The following CALN1 variants were observed in gnomAD, a reference collection of about 807,000 sequenced individuals.
The protein encoded by CALN1 is calneuron 1, also known as calcium-binding protein 8.
In CALN1, 17 loss-of-function variants were observed where a neutral mutation model predicts 30.6. That is an observed-to-expected ratio of 0.56 (90% CI 0.38 to 0.83). The LOEUF (loss-of-function observed/expected upper bound fraction) is 0.83. Ranked by LOEUF, CALN1 falls within the 40% of genes least tolerant of loss-of-function variation. CALN1 has a pLI of 0.00. For missense variants in CALN1, 291 were observed against 354.9 expected (o/e 0.82, Z 1.45); for synonymous variants, 156 against 131.4 (o/e 1.19, Z -1.28).
intron 3 of CALN1, among the ~76,000 whole-genome samples, chr7:72,167,225 T>C (rs1788589804): frequency 6.6e-6 from 1 of 152,178 alleles, no homozygotes; most frequent in Admixed American, 6.5e-5. Context: ...TGAGAAACAA[T>C]ACCAGTAGGC....
intron 4 of CALN1, among the ~76,000 whole-genome samples, chr7:72,059,169 T>G (rs144836362): frequency 9.2e-5 from 14 of 152,310 alleles, no homozygotes; most frequent in Non-Finnish European, 1.5e-4. Flanking sequence ...AACAAACCAC[T>G]CTTAGGAATG....
chr7:72,020,233 A>G (rs950089251), intron 5 of CALN1, among the ~76,000 whole-genome samples: 1 of 151,968 alleles, frequency 6.6e-6, no homozygotes, highest in Non-Finnish European at 1.5e-5. Flanking sequence ...TAATTTTTCA[A>G]TCTGCTTTAG....
At chr7:72,308,044 A>G (rs1049834026) in intron 2 of CALN1, among the ~76,000 whole-genome samples, 2 of 152,090 alleles carry the variant, frequency 1.3e-5, no homozygotes, top group African/African-American at 4.8e-5. Flanking sequence ...TTTGCTCAAG[A>G]TGTGTAATAA....
chr7:72,403,552 A>T (rs1321504282), intron 1 of CALN1, 110 bp from the exon 2 acceptor site: 6 of 493,036 alleles, frequency 1.2e-5, no homozygotes, highest in Admixed American at 1.0e-4. Flanking sequence ...TACACAGGAC[A>T]ATGGTAGAAA....
intron 3 of CALN1, among the ~76,000 whole-genome samples, chr7:72,244,614 T>C (rs1244838544): frequency 3.3e-5 from 5 of 151,636 alleles, no homozygotes; most frequent in African/African-American, 4.8e-5. Context: ...GAATTTCATC[T>C]AGCTGTAGGG....
chr7:72,445,892 G>A (rs533127436), intron 1 of CALN1, among the ~76,000 whole-genome samples: 2 of 152,264 alleles, frequency 1.3e-5, no homozygotes, highest in East Asian at 3.9e-4. Context: ...CTACTCACGT[G>A]AGCTGTGTTT....
At chr7:71,814,175 G>C (rs926026946) in intron 5 of CALN1, among the ~76,000 whole-genome samples, 9 of 152,132 alleles carry the variant, frequency 5.9e-5, no homozygotes, top group African/African-American at 1.4e-4. Flanking sequence ...TTGTCCAACA[G>C]GGTTTCAGAA....
At chr7:72,413,692 C>A (rs1562960124), upstream of CALN1, among the ~76,000 whole-genome samples, 1 of 152,064 alleles carries the variant, frequency 6.6e-6, no homozygotes, top group Non-Finnish European at 1.5e-5. Context: ...CATTCACACT[C>A]ACACTACACA....
chr7:72,207,243 G>A (rs1269966553), intron 3 of CALN1, among the ~76,000 whole-genome samples: 4 of 152,054 alleles, frequency 2.6e-5, no homozygotes, highest in African/African-American at 9.7e-5. Context: ...TCTCTTTGTC[G>A]GCGGGAGGGA....
Position 71,985,355 on chromosome 7 carries a change from C to A in CALN1, c.501+38302G>T, listed in dbSNP as rs114115306. ...TGAAACAAAGCTCTTTAGAAAGCAA[C>A]GCAGCAGGCTGGGTGCAGTAGTTCA... is the stretch of plus-strand genomic sequence containing the variant. On this transcript the variant is annotated intron_variant, in intron 5 of 6. Transcript: ENST00000395275. Among the ~76,000 whole-genome samples, 37 of 152,162 alleles carry A rather than the reference C, an allele frequency of 2.4e-4. 1 individual carries two copies. The East Asian group carries it at 5.6e-3, about 23-fold the overall frequency.
At chr7:72,070,522 T>C (rs1352687116) in intron 4 of CALN1, among the ~76,000 whole-genome samples, 5 of 152,204 alleles carry the variant, frequency 3.3e-5, no homozygotes, top group African/African-American at 9.6e-5. Flanking sequence ...TTATTGGTGA[T>C]TCATGAATCT....
chr7:72,023,149 A>T (rs1800805390), intron 5 of CALN1, among the ~76,000 whole-genome samples: 1 of 152,192 alleles, frequency 6.6e-6, no homozygotes, highest in Non-Finnish European at 1.5e-5. Flanking sequence ...TACTTTAATA[A>T]TTACAATGTT....
At chr7:72,018,339 G>A (rs1327929388) in intron 5 of CALN1, among the ~76,000 whole-genome samples, 1 of 152,056 alleles carries the variant, frequency 6.6e-6, no homozygotes, top group East Asian at 1.9e-4. Flanking sequence ...CCAGTCCTGA[G>A]TCTCAGCCCC....
chr7:71,963,028 T>C (rs1797327457), intron 5 of CALN1, among the ~76,000 whole-genome samples: 1 of 152,212 alleles, frequency 6.6e-6, no homozygotes, highest in African/African-American at 2.4e-5. Context: ...AACATAGGTA[T>C]CCAAGATTTG....
intron 1 of CALN1, among the ~76,000 whole-genome samples, chr7:72,420,740 CAGTCG>C (rs1807579514): frequency 6.6e-6 from 1 of 151,458 alleles, no homozygotes; most frequent in Non-Finnish European, 1.5e-5. Context: ...TCTCCTCCCT[CAGTCG>C]AGTAGCTGGG....
At chr7:72,224,063 TG>T (rs1793497873) in intron 3 of CALN1, among the ~76,000 whole-genome samples, 1 of 152,190 alleles carries the variant, frequency 6.6e-6, no homozygotes, top group African/African-American at 2.4e-5. Flanking sequence ...GCTCATTACC[TG>T]GGTGACAGGA....
At chr7:71,995,946 T>C (rs1055989643) in intron 5 of CALN1, among the ~76,000 whole-genome samples, 3 of 152,118 alleles carry the variant, frequency 2.0e-5, no homozygotes, top group African/African-American at 7.2e-5. Context: ...TTGTTCCTGC[T>C]TAAGAATCTC....
At chr7:72,191,226 T>G (rs537230445) in intron 3 of CALN1, among the ~76,000 whole-genome samples, 1 of 152,278 alleles carries the variant, frequency 6.6e-6, no homozygotes, top group Non-Finnish European at 1.5e-5. Context: ...TTCAAAGCCT[T>G]TGGATCCTAC....
chr7:72,113,723 A>G (rs7798356), intron 3 of CALN1, among the ~76,000 whole-genome samples: 40,510 of 152,256 alleles, frequency 0.27, 5,995 homozygotes, highest in Non-Finnish European at 0.34. Flanking sequence ...GCAGAATGGA[A>G]TAATTGTGAC....
Sources: allele counts gnomAD v4.1 joint callset (sites outside exome capture counted in the v4.1 genomes callset), GRCh38; gene constraint gnomAD v4.1.1; transcripts MANE v1.5; gene names NCBI Gene and HGNC (gene_info 2026-07-23, HGNC 2026-07-21).